Variants in PDZRN3 observed in about 807,000 individuals in gnomAD.
The protein encoded by PDZRN3 is E3 ubiquitin-protein ligase PDZRN3.
A neutral mutation model predicts 85.7 loss-of-function variants in PDZRN3; 38 were observed. That is an observed-to-expected ratio of 0.44 (90% CI 0.34 to 0.58). PDZRN3 has a LOEUF of 0.58. Among genes scored for constraint, PDZRN3 ranks in the 20% least tolerant of loss-of-function variants. The pLI is 0.01. For synonymous variants in PDZRN3, 759 were observed against 638.0 expected, an observed-to-expected ratio of 1.19 and a Z score of -2.86; for missense variants, 1,629 against 1,506.4, an observed-to-expected ratio of 1.08 and a Z score of -1.35.
intron 3 of PDZRN3, among the ~76,000 whole-genome samples, chr3:73,431,682 T>C (rs1702434037): frequency 6.6e-6 from 1 of 152,224 alleles, no homozygotes; most frequent in Non-Finnish European, 1.5e-5. Flanking sequence ...TTTGAGTTTC[T>C]TGAAAATAAA....
intron 3 of PDZRN3, among the ~76,000 whole-genome samples, chr3:73,587,535 C>A (rs532771144): frequency 6.6e-6 from 1 of 152,258 alleles, no homozygotes. Flanking sequence ...TAAAAACAAA[C>A]AAAAGTTTGT....
intron 3 of PDZRN3, among the ~76,000 whole-genome samples, chr3:73,516,751 T>G (rs1704263273): frequency 6.6e-6 from 1 of 152,190 alleles, no homozygotes; most frequent in Non-Finnish European, 1.5e-5. Context: ...ATCCTCAAGT[T>G]CTGACATTTA....
intron 3 of PDZRN3, among the ~76,000 whole-genome samples, chr3:73,574,075 A>G (rs564303990): frequency 2.0e-4 from 31 of 152,222 alleles, no homozygotes; most frequent in South Asian, 1.2e-3. Context: ...GCCTGACATT[A>G]AAAGGGCAAA....
chr3:73,454,830 A>G (rs531154974), intron 3 of PDZRN3, among the ~76,000 whole-genome samples: 78 of 152,318 alleles, frequency 5.1e-4, no homozygotes, highest in African/African-American at 1.8e-3. Context: ...AAAACATCCA[A>G]AGGATATATA....
At chr3:73,517,747 T>C (rs1317527422) in intron 3 of PDZRN3, among the ~76,000 whole-genome samples, 2 of 152,252 alleles carry the variant, frequency 1.3e-5, no homozygotes, top group Non-Finnish European at 2.9e-5. Flanking sequence ...TAATGTATAA[T>C]ACTTTGGTAA....
At chr3:73,394,838 T>C (rs1199748371) in intron 5 of PDZRN3, among the ~76,000 whole-genome samples, 2 of 152,222 alleles carry the variant, frequency 1.3e-5, no homozygotes, top group Non-Finnish European at 2.9e-5. Flanking sequence ...TGATCCATAA[T>C]AGGCTTTCAG....
intron 3 of PDZRN3, among the ~76,000 whole-genome samples, chr3:73,423,779 C>T (rs79509186): frequency 0.022 from 3,370 of 152,246 alleles, 120 homozygotes; most frequent in African/African-American, 0.071. Flanking sequence ...ATTTACTTTC[C>T]TTCAGAATTT....
chr3:73,586,162 A>G (rs1702273751), intron 3 of PDZRN3, among the ~76,000 whole-genome samples: 1 of 152,150 alleles, frequency 6.6e-6, no homozygotes, highest in Admixed American at 6.5e-5. Context: ...ATTCCTCACG[A>G]TTTCCCTCTG....
intron 3 of PDZRN3, among the ~76,000 whole-genome samples, chr3:73,411,811 C>T (rs1227277544): frequency 6.6e-6 from 1 of 152,196 alleles, no homozygotes; most frequent in Non-Finnish European, 1.5e-5. Flanking sequence ...ATATGAGTGT[C>T]CGGAATACTT....
At chr3:73,465,728 C>A (rs1347079202) in intron 3 of PDZRN3, among the ~76,000 whole-genome samples, 2 of 152,230 alleles carry the variant, frequency 1.3e-5, no homozygotes, top group Non-Finnish European at 2.9e-5. Flanking sequence ...AAATTCCCCC[C>A]AAAGGGGTCA....
At chr3:73,615,488 G>C (rs1702747759) in intron 1 of PDZRN3, among the ~76,000 whole-genome samples, 1 of 152,144 alleles carries the variant, frequency 6.6e-6, no homozygotes, top group African/African-American at 2.4e-5. Context: ...AATCCCCAAA[G>C]TGATGGTATT....
At position 73,388,930 on chromosome 3, in the gene PDZRN3, C is replaced by CAAAAA. The variant is rs10675308; in HGVS notation, c.1417-866_1417-862dup. Among the ~76,000 whole-genome samples the CAAAAA allele has an allele frequency of 4.7e-4, 32 of 67,684 alleles. 3 individuals carry two copies. Among genetic ancestry groups the CAAAAA allele is most frequent in the South Asian group, 1.0e-3 (1 of 998 alleles). 44.4% of individuals were successfully genotyped at this position (67,684 alleles called of 152,430 possible). ...AAGGTTAATGGAAAACTCCAGCAAT[C>CAAAAA]AAAAAAAAAAAAAAAAAAAAAAAAA... On this transcript the variant is annotated intron_variant, in intron 7 of 9. Coordinates refer to ENST00000263666, the MANE Select transcript of PDZRN3 (RefSeq NM_015009.3).
intron 1 of PDZRN3, among the ~76,000 whole-genome samples, chr3:73,621,023 G>A (rs1363290308): frequency 2.6e-5 from 4 of 152,214 alleles, no homozygotes; most frequent in African/African-American, 9.7e-5. Context: ...CTAGCTTAGC[G>A]GCTACTTAAA....
chr3:73,585,560 C>T (rs1005022740), intron 3 of PDZRN3, among the ~76,000 whole-genome samples: 2 of 152,144 alleles, frequency 1.3e-5, no homozygotes, highest in African/African-American at 4.8e-5. Context: ...TTGCCGCACC[C>T]CCACACCCCC....
intron 3 of PDZRN3, among the ~76,000 whole-genome samples, chr3:73,443,385 A>G (rs1702681194): frequency 6.6e-6 from 1 of 151,430 alleles, no homozygotes. Context: ...TCCCACTTCC[A>G]TATTTGTGCA....
rs1364879104 is a variant in PDZRN3, at chr3:73,533,372, C to T, written c.918+68982G>A. 3.9e-5 allele frequency among the ~76,000 whole-genome samples: 6 copies of T among 152,254 alleles called. No homozygotes were observed. The East Asian group carries it at 1.2e-3, about 29-fold the overall frequency. On this transcript the variant is annotated intron_variant, in intron 3 of 9. Coordinates refer to ENST00000263666, the MANE Select transcript of PDZRN3 (RefSeq NM_015009.3). ...CAGAACTTCCTCCCAAAACTTCTACCTCTATCCACTTACTCAAATCTTTTC... is the reference window on the plus strand; with the variant it reads ...CAGAACTTCCTCCCAAAACTTCTACTTCTATCCACTTACTCAAATCTTTTC...
chr3:73,512,346 CTT>C (rs1225470783), intron 3 of PDZRN3, among the ~76,000 whole-genome samples: 1 of 152,172 alleles, frequency 6.6e-6, no homozygotes, highest in East Asian at 1.9e-4. Context: ...AAATATTTGT[CTT>C]GTTTCAATAA....
intron 3 of PDZRN3, among the ~76,000 whole-genome samples, chr3:73,546,946 C>T (rs770476103): frequency 1.3e-5 from 2 of 152,172 alleles, no homozygotes; most frequent in Non-Finnish European, 2.9e-5. Context: ...GAGGTGAGAA[C>T]TCCCAGGTCC....
chr3:73,418,527 T>C (rs1702137331), intron 3 of PDZRN3, among the ~76,000 whole-genome samples: 1 of 152,204 alleles, frequency 6.6e-6, no homozygotes, highest in Non-Finnish European at 1.5e-5. Flanking sequence ...CTCACTAGAC[T>C]GGTACTTACA....
Sources: allele counts gnomAD v4.1 joint callset (sites outside exome capture counted in the v4.1 genomes callset), GRCh38; gene constraint gnomAD v4.1.1; transcripts MANE v1.5; gene names NCBI Gene and HGNC (gene_info 2026-07-23, HGNC 2026-07-21).